Variants in ZBTB16 observed in about 807,000 individuals in gnomAD.
The protein encoded by ZBTB16 is zinc finger and BTB domain-containing protein 16.
Under a neutral mutation model 56.8 loss-of-function variants are expected in ZBTB16, and 8 were observed. That is an observed-to-expected ratio of 0.14 (90% CI 0.08 to 0.25). The LOEUF (loss-of-function observed/expected upper bound fraction) is 0.25, where lower values mean the gene tolerates loss of function less well. Among genes scored for constraint, ZBTB16 ranks in the 10% least tolerant of loss-of-function variants. The probability of loss-of-function intolerance (pLI) is 1.00; values close to 1 mark genes in which losing one functional copy is unlikely to be tolerated. For missense variants in ZBTB16, 625 were observed against 903.0 expected (o/e 0.69, Z 3.95); for synonymous variants, 363 against 368.5 (o/e 0.98, Z 0.17).
rs374340897 is a variant in ZBTB16, at chr11:114,250,604, T to G, written c.*49T>G. 1.9e-6 allele frequency: 3 copies of G among 1,584,482 alleles called. No individual in the cohort carries two copies. Among genetic ancestry groups the G allele is most frequent in the Non-Finnish European group, 2.6e-6 (3 of 1,155,956 alleles). On this transcript the variant is annotated 3_prime_UTR_variant, in exon 7 of 7. Coordinates refer to ENST00000335953, the MANE Select transcript of ZBTB16 (RefSeq NM_006006.6). The surrounding 1 kb of genome is among the most constrained non-coding windows in gnomAD (Gnocchi z 6.0). Reference sequence around the variant, plus strand: ...CGAGCGGGGAGCCAGGAAAGAAGAGTTGGAGTGAGATGAAGGAAGGACTAT... The same window carrying G: ...CGAGCGGGGAGCCAGGAAAGAAGAGGTGGAGTGAGATGAAGGAAGGACTAT...
intron 4 of ZBTB16, among the ~76,000 whole-genome samples, chr11:114,211,409 T>C (rs1053243481): frequency 6.6e-6 from 1 of 152,158 alleles, no homozygotes; most frequent in Admixed American, 6.5e-5. Flanking sequence ...CTACCTTCCT[T>C]ATCTGTAAAA....
At chr11:114,088,447 C>A (rs1940047291) in intron 2 of ZBTB16, among the ~76,000 whole-genome samples, 3 of 152,036 alleles carry the variant, frequency 2.0e-5, no homozygotes, top group Admixed American at 2.0e-4. Context: ...CGGCCTGGAT[C>A]TTTTATTGTT....
At chr11:114,199,198 G>GCTGGGCAGTGGGCA (rs1943675028) in intron 4 of ZBTB16, among the ~76,000 whole-genome samples, 1 of 151,376 alleles carries the variant, frequency 6.6e-6, no homozygotes, top group African/African-American at 2.4e-5. Flanking sequence ...CATGGATGCC[G>GCTGGGCAGTGGGCA]GGCCCCGGGA....
chr11:114,254,182 G>T lies in ZBTB16; in HGVS notation c.*3627G>T, dbSNP rs977324670. Among the ~76,000 whole-genome samples, 3 of 149,532 alleles carry T rather than the reference G, an allele frequency of 2.0e-5. No homozygotes were observed. The highest frequency in any genetic ancestry group is 4.9e-5 in the African/African-American group (2 of 40,738). ...GGATAGACAAATATATAGATATATA[G>T]ATATATATATATATAGCAAGAGATT... On this transcript the variant is annotated 3_prime_UTR_variant, in exon 7 of 7. Coordinates refer to ENST00000335953, the MANE Select transcript of ZBTB16 (RefSeq NM_006006.6).
chr11:114,199,447 T>C (rs1943684693), intron 4 of ZBTB16, among the ~76,000 whole-genome samples: 1 of 152,252 alleles, frequency 6.6e-6, no homozygotes, highest in African/African-American at 2.4e-5. Context: ...CAGCCATGGA[T>C]GCCGCTGGGC....
At chr11:114,150,900 A>G (rs1942262428) in intron 2 of ZBTB16, among the ~76,000 whole-genome samples, 1 of 152,216 alleles carries the variant, frequency 6.6e-6, no homozygotes, top group South Asian at 2.1e-4. Flanking sequence ...ATGGGGCCCA[A>G]GGCTGCATGT....
intron 2 of ZBTB16, among the ~76,000 whole-genome samples, chr11:114,147,012 C>T (rs927824790): frequency 6.6e-5 from 10 of 152,066 alleles, no homozygotes; most frequent in African/African-American, 1.9e-4. Flanking sequence ...ATTTGGTACC[C>T]GTACAGGTAA....
At chr11:114,196,916 A>G (rs1010962300) in intron 4 of ZBTB16, among the ~76,000 whole-genome samples, 4 of 152,130 alleles carry the variant, frequency 2.6e-5, no homozygotes, top group Non-Finnish European at 4.4e-5. Context: ...AGGAAGACCA[A>G]TCTGGGGCAG....
intron 3 of ZBTB16, among the ~76,000 whole-genome samples, chr11:114,186,712 G>A (rs1943368957): frequency 6.6e-6 from 1 of 152,084 alleles, no homozygotes; most frequent in African/African-American, 2.4e-5. Flanking sequence ...GTTTATCTTG[G>A]TTGTTCTGAT....
intron 2 of ZBTB16, among the ~76,000 whole-genome samples, chr11:114,144,476 G>A (rs904069755): frequency 1.3e-5 from 2 of 152,170 alleles, no homozygotes; most frequent in African/African-American, 4.8e-5. Context: ...TTTGTTCTTT[G>A]CAAGGAGTCT....
At chr11:114,198,527 G>C (rs1943656869) in intron 4 of ZBTB16, among the ~76,000 whole-genome samples, 1 of 152,058 alleles carries the variant, frequency 6.6e-6, no homozygotes, top group Non-Finnish European at 1.5e-5. Flanking sequence ...TGGCTCCCAG[G>C]GCCCCTCTGG....
intron 2 of ZBTB16, among the ~76,000 whole-genome samples, chr11:114,152,761 T>G (rs1313159642): frequency 2.0e-5 from 3 of 152,176 alleles, no homozygotes; most frequent in Non-Finnish European, 4.4e-5. Flanking sequence ...TACCACCAAC[T>G]AAGGCAGTGT....
chr11:114,176,512 CT>C (rs1943118273), intron 3 of ZBTB16, among the ~76,000 whole-genome samples: 1 of 152,182 alleles, frequency 6.6e-6, no homozygotes, highest in African/African-American at 2.4e-5. Flanking sequence ...TTCTACCTGC[CT>C]GATAGAGCAG....
At chr11:114,182,996 C>G (rs367737429) in intron 3 of ZBTB16, among the ~76,000 whole-genome samples, 11 of 152,296 alleles carry the variant, frequency 7.2e-5, no homozygotes, top group South Asian at 6.2e-4. Flanking sequence ...TTACAGAGAC[C>G]ATTTAAAGGC....
intron 4 of ZBTB16, among the ~76,000 whole-genome samples, chr11:114,217,102 T>C (rs1944120155): frequency 6.6e-6 from 1 of 152,182 alleles, no homozygotes; most frequent in South Asian, 2.1e-4. Flanking sequence ...TGGAACTGTA[T>C]GTGTTTAGAA....
chr11:114,163,988 T>C (rs985297283), intron 3 of ZBTB16, among the ~76,000 whole-genome samples: 1 of 152,258 alleles, frequency 6.6e-6, no homozygotes, highest in Non-Finnish European at 1.5e-5. Context: ...GCAGTCTCCC[T>C]GTACTGTAAT....
chr11:114,190,600 A>G (rs1262333673), intron 4 of ZBTB16, among the ~76,000 whole-genome samples: 1 of 152,116 alleles, frequency 6.6e-6, no homozygotes, highest in African/African-American at 2.4e-5. Context: ...ACTTTAAAAG[A>G]CATGAATTTT....
intron 3 of ZBTB16, among the ~76,000 whole-genome samples, chr11:114,161,157 A>G (rs546267251): frequency 1.3e-5 from 2 of 152,192 alleles, no homozygotes; most frequent in African/African-American, 2.4e-5. Flanking sequence ...CAGTGACTCA[A>G]ATTGGTTCTG....
rs75707676 is a variant in ZBTB16, at chr11:114,207,324, C to T, written c.1453+20286C>T. Among the ~76,000 whole-genome samples the T allele has an allele frequency of 4.4e-3, 671 of 152,236 alleles. 5 individuals carry two copies. Among genetic ancestry groups the T allele is most frequent in the African/African-American group, 0.015 (614 of 41,534 alleles). Reference sequence around the variant, plus strand: ...CAGAACCTCCTGCATGGGGCTCAGACATGGATGTATTTTCAAGCTCCCCAG... The same window carrying T: ...CAGAACCTCCTGCATGGGGCTCAGATATGGATGTATTTTCAAGCTCCCCAG... On this transcript the variant is annotated intron_variant, in intron 4 of 6. Coordinates refer to ENST00000335953, the MANE Select transcript of ZBTB16 (RefSeq NM_006006.6).
Sources: gnomAD v4.1 joint callset for allele counts (sites outside exome capture counted in the v4.1 genomes callset) on GRCh38, gnomAD v4.1.1 for gene constraint, Gnocchi (gnomAD v3.1) non-coding constraint, MANE v1.5 for transcripts, NCBI Gene and HGNC (gene_info 2026-07-23, HGNC 2026-07-21) for gene names.